CLYBL: variants seen among roughly 807,000 people sequenced by gnomAD.
CLYBL encodes citramalyl-CoA lyase, mitochondrial.
CLYBL carries 31 observed loss-of-function variants against 38.9 expected under a neutral mutation model. The observed-to-expected ratio is 0.80, with a 90% CI of 0.60 to 1.08. The LOEUF (loss-of-function observed/expected upper bound fraction) is 1.08, where lower values mean the gene tolerates loss of function less well. Among genes scored for constraint, CLYBL ranks in the 50% least tolerant of loss-of-function variants. The pLI, the probability that CLYBL is intolerant of heterozygous loss-of-function variation, is 0.00. For missense variants in CLYBL, 434 were observed against 411.6 expected (o/e 1.05, Z -0.47); for synonymous variants, 171 against 158.6 (o/e 1.08, Z -0.59).
At chr13:99,752,186 G>A (rs1024366704) in intron 1 of CLYBL, among the ~76,000 whole-genome samples, 2 of 152,148 alleles carry the variant, frequency 1.3e-5, no homozygotes, top group Admixed American at 6.5e-5. Context: ...TGGTGAAGCC[G>A]ACGGAGAGCA....
At chr13:99,671,203 TC>T (rs1340822992) in intron 1 of CLYBL, among the ~76,000 whole-genome samples, 1 of 152,220 alleles carries the variant, frequency 6.6e-6, no homozygotes, top group East Asian at 1.9e-4. Flanking sequence ...AGGACTCTTA[TC>T]CTCAACCCCC....
At chr13:99,827,065 T>G (rs2050709478) in intron 2 of CLYBL, among the ~76,000 whole-genome samples, 1 of 152,238 alleles carries the variant, frequency 6.6e-6, no homozygotes, top group African/African-American at 2.4e-5. Flanking sequence ...CTGGAACCCT[T>G]CATATACATT....
intron 2 of CLYBL, among the ~76,000 whole-genome samples, chr13:99,823,565 C>A (rs1226650690): frequency 1.3e-5 from 2 of 152,316 alleles, no homozygotes. Context: ...GTAGCATTTT[C>A]AGACTAGCTT....
intron 1 of CLYBL, among the ~76,000 whole-genome samples, chr13:99,612,386 C>CTTTTTTTTTT (rs56097059): frequency 2.7e-5 from 3 of 112,366 alleles, no homozygotes; most frequent in Non-Finnish European, 3.4e-5. Context: ...GACCTTTCTA[C>CTTTTTTTTTT]TTTTTTTTTT....
chr13:99,618,789 C>T (rs965168545), intron 1 of CLYBL, among the ~76,000 whole-genome samples: 2 of 152,190 alleles, frequency 1.3e-5, no homozygotes, highest in Non-Finnish European at 2.9e-5. Flanking sequence ...AGGTACTTCA[C>T]ATACATAGAC....
intron 6 of CLYBL, among the ~76,000 whole-genome samples, chr13:99,868,547 A>G (rs2051807907): frequency 6.6e-6 from 1 of 152,220 alleles, no homozygotes; most frequent in African/African-American, 2.4e-5. Flanking sequence ...GGTAAGGAAG[A>G]CTAAGTCTGT....
At position 99,670,355 on chromosome 13, in the gene CLYBL, G is replaced by A. The variant is rs778985436; in HGVS notation, c.62+63598G>A. Among the ~76,000 whole-genome samples the A allele has an allele frequency of 2.6e-5, 4 of 152,168 alleles. No individual in the cohort carries two copies. In the East Asian group the frequency reaches 7.7e-4, roughly 29 times the overall value. On this transcript the variant is annotated intron_variant, in intron 1 of 8. Coordinates refer to ENST00000339105, the MANE Select transcript of CLYBL (RefSeq NM_206808.5). Reference sequence around the variant, plus strand: ...TGCGGTCCAGCCTGAGCAAAGTAGCGAGACCCTGTCTCTAAAAAAGTAAAA... The same window carrying A: ...TGCGGTCCAGCCTGAGCAAAGTAGCAAGACCCTGTCTCTAAAAAAGTAAAA...
intron 1 of CLYBL, among the ~76,000 whole-genome samples, chr13:99,642,219 A>G (rs2047106273): frequency 6.6e-6 from 1 of 152,166 alleles, no homozygotes; most frequent in South Asian, 2.1e-4. Context: ...AGCCCTGTGC[A>G]TGCTGACTCT....
intron 2 of CLYBL, among the ~76,000 whole-genome samples, chr13:99,806,249 T>G (rs946783458): frequency 6.6e-5 from 10 of 152,358 alleles, no homozygotes; most frequent in African/African-American, 1.7e-4. Context: ...TGAAGATTGA[T>G]AATACATTTT....
intron 1 of CLYBL, among the ~76,000 whole-genome samples, chr13:99,723,902 A>T (rs1373422414): frequency 4.6e-5 from 7 of 152,282 alleles, no homozygotes; most frequent in Admixed American, 3.9e-4. Context: ...ATTGTTTTTC[A>T]TCAAGGGCGG....
chr13:99,803,307 A>G (rs557809208), intron 2 of CLYBL, among the ~76,000 whole-genome samples: 1 of 152,370 alleles, frequency 6.6e-6, no homozygotes, highest in East Asian at 1.9e-4. Context: ...AGCTTGCCCT[A>G]GAACAAAGGC....
At chr13:99,683,385 A>T (rs1050313552) in intron 1 of CLYBL, among the ~76,000 whole-genome samples, 1 of 152,106 alleles carries the variant, frequency 6.6e-6, no homozygotes, top group African/African-American at 2.4e-5. Context: ...TAGCCTGTAA[A>T]CTTTGTTTAT....
rs567350331 is a variant in CLYBL, at chr13:99,806,833, AG to A, written c.249+33824del. 1.5e-4 allele frequency among the ~76,000 whole-genome samples: 23 copies of A among 152,320 alleles called. No homozygotes were observed. The East Asian group carries it at 4.4e-3, about 29-fold the overall frequency. ...GGTAGTTGAGCTGCTGGGAGTTGGA[AG>A]TAAGGGCAGTGGAGTTTGTTCAGGG... On this transcript the variant is annotated intron_variant, in intron 2 of 8. Coordinates refer to ENST00000339105, the MANE Select transcript of CLYBL (RefSeq NM_206808.5).
intron 2 of CLYBL, among the ~76,000 whole-genome samples, chr13:99,817,667 A>AAAG: frequency 6.7e-6 from 1 of 150,032 alleles, no homozygotes; most frequent in African/African-American, 2.5e-5. Context: ...AAAAAAAAAA[A>AAAG]AAAAAAGAAA....
intron 7 of CLYBL, among the ~76,000 whole-genome samples, chr13:99,887,569 G>A (rs1300284539): frequency 1.3e-5 from 2 of 152,134 alleles, no homozygotes; most frequent in African/African-American, 4.8e-5. Context: ...GACCAGCTTG[G>A]GCAACATAGG....
At chr13:99,892,576 G>A (rs927450439), downstream of CLYBL, 2 of 152,616 alleles carry the variant, frequency 1.3e-5, no homozygotes, top group African/African-American at 2.4e-5. Flanking sequence ...CGAGACTCTG[G>A]ACGACTGTTC....
chr13:99,622,951 A>G (rs1381843331), intron 1 of CLYBL, among the ~76,000 whole-genome samples: 5 of 152,138 alleles, frequency 3.3e-5, no homozygotes, highest in Non-Finnish European at 4.4e-5. Flanking sequence ...CCCTGCCTCA[A>G]CCTTCCAAGT....
chr13:99,692,580 C>G (rs2047923681), intron 1 of CLYBL, among the ~76,000 whole-genome samples: 1 of 152,150 alleles, frequency 6.6e-6, no homozygotes, highest in African/African-American at 2.4e-5. Context: ...GTGTGAGCTA[C>G]CGCCTCCAGC....
intron 2 of CLYBL, among the ~76,000 whole-genome samples, chr13:99,801,231 C>T (rs2050130398): frequency 6.6e-6 from 1 of 152,230 alleles, no homozygotes; most frequent in African/African-American, 2.4e-5. Context: ...TTGTTAAAGA[C>T]TTTTAAATGC....
Sources: allele counts gnomAD v4.1 joint callset (sites outside exome capture counted in the v4.1 genomes callset), GRCh38; gene constraint gnomAD v4.1.1; transcripts MANE v1.5; gene names NCBI Gene and HGNC (gene_info 2026-07-23, HGNC 2026-07-21).